Variants in PUM1 observed in about 807,000 individuals in gnomAD.
PUM1 encodes the protein pumilio homolog 1.
Under a neutral mutation model 131.8 loss-of-function variants are expected in PUM1, and 13 were observed. The observed-to-expected ratio is 0.10, with a 90% CI of 0.06 to 0.16. The LOEUF is 0.16. Among genes scored for constraint, PUM1 ranks in the 10% least tolerant of loss-of-function variants. The pLI is 1.00. For synonymous variants in PUM1, 509 were observed against 556.5 expected (o/e 0.91, Z 1.20); for missense variants, 961 against 1,512.4 (o/e 0.64, Z 6.05).
chr1:31,024,002 T>C (rs554478237), intron 3 of PUM1, among the ~76,000 whole-genome samples: 2 of 150,442 alleles, frequency 1.3e-5, no homozygotes, highest in Non-Finnish European at 2.9e-5. Flanking sequence ...TCTAAAAGGA[T>C]ATCTTTTAGA....
chr1:31,028,419 C>CGGG (rs5773333), intron 3 of PUM1, among the ~76,000 whole-genome samples: 1 of 116,526 alleles, frequency 8.6e-6, no homozygotes, highest in Non-Finnish European at 1.9e-5. Flanking sequence ...TTGCCATTGG[C>CGGG]GGGGGGGGTG....
chr1:31,030,102 A>G (rs1643367331), intron 2 of PUM1, among the ~76,000 whole-genome samples: 1 of 151,792 alleles, frequency 6.6e-6, no homozygotes, highest in African/African-American at 2.4e-5. Context: ...CTATAATCTC[A>G]GGAGGTTGAG....
intron 3 of PUM1, among the ~76,000 whole-genome samples, chr1:31,022,863 T>C (rs1643081885): frequency 6.6e-6 from 1 of 152,170 alleles, no homozygotes; most frequent in African/African-American, 2.4e-5. Flanking sequence ...TTACTATTCC[T>C]ATTGTACGTG....
chr1:30,977,751 A>G (rs968943224), intron 9 of PUM1, among the ~76,000 whole-genome samples: 1 of 152,222 alleles, frequency 6.6e-6, no homozygotes, highest in Non-Finnish European at 1.5e-5. Flanking sequence ...TGACAGCAGC[A>G]GTGTCAACCC....
intron 3 of PUM1, among the ~76,000 whole-genome samples, chr1:31,024,016 T>G (rs1390570391): frequency 6.6e-6 from 1 of 150,996 alleles, no homozygotes; most frequent in Non-Finnish European, 1.5e-5. Flanking sequence ...TTTTAGACAC[T>G]CTCTACTATA....
chr1:30,985,196 G>C (rs746645880), intron 7 of PUM1, among the ~76,000 whole-genome samples: 2 of 152,152 alleles, frequency 1.3e-5, no homozygotes, highest in African/African-American at 4.8e-5. Context: ...CACATGTAAA[G>C]ATTTATAAGA....
chr1:31,063,235 CCT>C (rs1432373460), intron 1 of PUM1, among the ~76,000 whole-genome samples: 1 of 152,158 alleles, frequency 6.6e-6, no homozygotes, highest in Non-Finnish European at 1.5e-5. Flanking sequence ...AACAAAACTA[CCT>C]GTTTCCTCAT....
intron 3 of PUM1, among the ~76,000 whole-genome samples, chr1:31,026,276 AG>A (rs956906230): frequency 1.6e-4 from 25 of 151,668 alleles, no homozygotes; most frequent in Admixed American, 2.0e-4. Context: ...AAAAAAGAAA[AG>A]GAAAAAAAAG....
Position 30,967,203 on chromosome 1 carries a change from C to G in PUM1, c.1753G>C (p.Ala585Pro), listed in dbSNP as rs201864626. The G allele has an allele frequency of 6.2e-7, 1 of 1,614,042 alleles. No individual in the cohort carries two copies. Among genetic ancestry groups the G allele is most frequent in the African/African-American group, 1.3e-5 (1 of 74,906 alleles). ...LGAPVRLVAP[A>P]PVIISSSAAQ... ...GCTGAGGAACTAATGATGACTGGGG[C>G]AGGAGCTACAAGTCGAACAGGAGCT... The change falls in exon 12 of 22, where the codon GCC (alanine) becomes CCC (proline). Residue 585 changes from alanine (A) to proline (P), a missense_variant. Around this residue, in one of 4 missense-constraint regions of PUM1, gnomAD observed 654 missense variants for 923.9 expected, o/e 0.71. Coordinates refer to ENST00000426105, the MANE Select transcript of PUM1 (RefSeq NM_001020658.2).
At chr1:30,955,440 G>C (rs1345970401) in intron 14 of PUM1, among the ~76,000 whole-genome samples, 3 of 150,434 alleles carry the variant, frequency 2.0e-5, no homozygotes, top group Non-Finnish European at 4.4e-5. Context: ...ACTCCAGCCT[G>C]GGCGACAGAG....
At chr1:31,002,740 T>C (rs1038745960) in intron 5 of PUM1, among the ~76,000 whole-genome samples, 4 of 152,330 alleles carry the variant, frequency 2.6e-5, no homozygotes, top group African/African-American at 7.2e-5. Flanking sequence ...CTCCTAAAGT[T>C]TGAGATTCCT....
rs146402370 is a variant in PUM1 at position 31,031,033 on chromosome 1, T to C, written c.364-2169A>G. Reference sequence around the variant, plus strand: ...TTTAAAAAGGCCCTGAAATAGGAGCTATGATCATTTTACATGGTGTTTAGA... The same window carrying C: ...TTTAAAAAGGCCCTGAAATAGGAGCCATGATCATTTTACATGGTGTTTAGA... On this transcript the variant is annotated intron_variant, in intron 2 of 21. Transcript: ENST00000426105. Among the ~76,000 whole-genome samples the C allele has an allele frequency of 1.1e-4, 16 of 152,316 alleles. No individual in the cohort carries two copies. The East Asian group carries it at 2.5e-3, about 24-fold the overall frequency.
chr1:30,960,777 G>C (rs1040767393), intron 14 of PUM1, among the ~76,000 whole-genome samples: 4 of 152,028 alleles, frequency 2.6e-5, no homozygotes, highest in Non-Finnish European at 5.9e-5. Context: ...ACCCTGACCT[G>C]ACACCCAAAA....
At chr1:30,977,084 G>A (rs1026655314) in intron 9 of PUM1, among the ~76,000 whole-genome samples, 4 of 152,200 alleles carry the variant, frequency 2.6e-5, no homozygotes, top group African/African-American at 9.7e-5. Context: ...TCTTGGGGAT[G>A]TGACCCAAGT....
At chr1:30,988,046 T>C (rs1641634792) in intron 7 of PUM1, among the ~76,000 whole-genome samples, 1 of 152,236 alleles carries the variant, frequency 6.6e-6, no homozygotes, top group Non-Finnish European at 1.5e-5. Flanking sequence ...CAGCTATTTT[T>C]ATACCACTGG....
intron 21 of PUM1, among the ~76,000 whole-genome samples, chr1:30,934,180 G>C (rs369773004): frequency 2.0e-5 from 3 of 152,214 alleles, no homozygotes; most frequent in Admixed American, 1.3e-4. Flanking sequence ...CAGAAAACTT[G>C]AGAGGTGCTT....
intron 18 of PUM1, among the ~76,000 whole-genome samples, chr1:30,942,479 C>A (rs563439804): frequency 5.9e-5 from 9 of 151,806 alleles, no homozygotes; most frequent in East Asian, 1.9e-4. Flanking sequence ...CAAAAGACAG[C>A]GCTAACAACA....
chr1:30,957,326 AATAAAT>A (rs1168693807), intron 14 of PUM1, among the ~76,000 whole-genome samples: 2 of 152,240 alleles, frequency 1.3e-5, no homozygotes, highest in African/African-American at 4.8e-5. Context: ...ACAAATAGTA[AATAAAT>A]ATCTGACCAT....
At chr1:31,008,068 C>A (rs1479483619) in intron 3 of PUM1, among the ~76,000 whole-genome samples, 7 of 152,058 alleles carry the variant, frequency 4.6e-5, no homozygotes, top group Non-Finnish European at 1.5e-5. Context: ...TTTTTGAGCA[C>A]AAAAATACCT....
Sources: gnomAD v4.1 joint callset for allele counts (sites outside exome capture counted in the v4.1 genomes callset) on GRCh38, gnomAD v4.1.1 for gene constraint, gnomAD v4.1.1 regional missense constraint, MANE v1.5 for transcripts, NCBI Gene and HGNC (gene_info 2026-07-23, HGNC 2026-07-21) for gene names.